Variants in BTAF1 observed in about 807,000 individuals in gnomAD.
The protein encoded by BTAF1 is B-TFIID TATA-box binding protein associated factor 1.
Under a neutral mutation model 227.1 loss-of-function variants are expected in BTAF1, and 38 were observed. That is an observed-to-expected ratio of 0.17 (90% CI 0.13 to 0.22). The LOEUF (loss-of-function observed/expected upper bound fraction) is 0.22, where lower values mean the gene tolerates loss of function less well. Ranked by LOEUF, BTAF1 falls within the 10% of genes least tolerant of loss-of-function variation. BTAF1 has a pLI of 1.00. For synonymous variants in BTAF1, 742 were observed against 751.9 expected, an observed-to-expected ratio of 0.99 and a Z score of 0.21; for missense variants, 1,598 against 2,204.0, an observed-to-expected ratio of 0.73 and a Z score of 5.51.
Position 92,028,800 on chromosome 10 carries a change from C to A in BTAF1, c.5417C>A (p.Ala1806Glu). Residue 1806 changes from alanine to glutamate, a missense_variant, in exon 38 of 38, where the codon GCA becomes GAA. Coordinates refer to ENST00000265990, the MANE Select transcript of BTAF1 (RefSeq NM_003972.3). ...CCAATTTTTCTTAAGGATGGCAAAG[C>A]AGAAAAAGCTGACACCTCTACTTCT... Reference protein sequence around the residue: ...DLFTLDKDGKAEKADTSTSGK... With the variant: ...DLFTLDKDGKEEKADTSTSGK... 1 of 1,581,728 alleles carries A rather than the reference C, an allele frequency of 6.3e-7. No homozygotes were observed. The highest frequency in any genetic ancestry group is 1.9e-5 in the Admixed American group (1 of 51,820).
At chr10:91,929,361 T>TATAATATG (rs1844111694) in intron 1 of BTAF1, among the ~76,000 whole-genome samples, 2 of 152,232 alleles carry the variant, frequency 1.3e-5, no homozygotes, top group Non-Finnish European at 2.9e-5. Flanking sequence ...AGACAGTACT[T>TATAATATG]ATAATATGAC....
intron 35 of BTAF1, 53 bp from the exon 36 acceptor site, chr10:92,026,539 T>G: frequency 7.2e-7 from 1 of 1,388,972 alleles, no homozygotes; most frequent in Non-Finnish European, 9.8e-7. Flanking sequence ...ATTAACAGTT[T>G]CTGTTATAGG....
In BTAF1 at chr10:91,928,776, C is replaced by T. The variant is rs540190641; in HGVS notation, c.14+4686C>T. ...AAGAATCCATCCCCCCCCCCCCCGC[C>T]CCCCAAAAAAAGCAACCTGAGATGG... On this transcript the variant is annotated intron_variant, in intron 1 of 37. Coordinates refer to ENST00000265990, the MANE Select transcript of BTAF1 (RefSeq NM_003972.3). Among the ~76,000 whole-genome samples, 11 of 142,474 alleles carry T rather than the reference C, an allele frequency of 7.7e-5. No homozygotes were observed. The South Asian group carries it at 2.7e-3, about 35-fold the overall frequency. The allele number at this position is 142,474 out of a possible 152,430, so 93.5% of individuals were successfully genotyped here.
intron 20 of BTAF1, among the ~76,000 whole-genome samples, chr10:91,990,733 C>T (rs1407435556): frequency 6.6e-6 from 1 of 151,890 alleles, no homozygotes; most frequent in African/African-American, 2.4e-5. Context: ...GCGGAGGTTG[C>T]GGTGAGCTGA....
rs749373223 is a variant in BTAF1, at chr10:91,996,386, A to C, written c.3327A>C (p.Pro1109=). The C allele has an allele frequency of 2.7e-5, 43 of 1,613,964 alleles. No homozygotes were observed. The highest frequency in any genetic ancestry group is 3.5e-5 in the Non-Finnish European group (41 of 1,180,016). Residue 1109 remains proline, a synonymous_variant, in exon 24 of 38, where the codon CCA becomes CCC. Transcript: ENST00000265990. ...GTTTTTAGTTGGTCCAGCATTTGCC[A>C]CATCTTTATATGTGCCTTCAATACC... ...ELHPLLVQHL[P]HLYMCLQYPS...
chr10:92,019,003 T>C, intron 34 of BTAF1, 68 bp downstream of exon 34: 1 of 1,376,064 alleles, frequency 7.3e-7, no homozygotes, highest in South Asian at 2.0e-5. Flanking sequence ...GTAAATTTGC[T>C]TTTCTTAAAG....
At chr10:91,977,650 C>T (rs1438200606) in intron 14 of BTAF1, among the ~76,000 whole-genome samples, 2 of 152,036 alleles carry the variant, frequency 1.3e-5, no homozygotes, top group East Asian at 3.9e-4. Flanking sequence ...GAGAAACTTC[C>T]AAAATAGCTG....
chr10:91,980,848 C>G (rs751776982), intron 15 of BTAF1, among the ~76,000 whole-genome samples: 15 of 152,106 alleles, frequency 9.9e-5, no homozygotes, highest in Non-Finnish European at 2.1e-4. Context: ...TTCTCTAGCC[C>G]TCATCTTGCT....
At chr10:92,001,879 A>G (rs911352319) in intron 25 of BTAF1, among the ~76,000 whole-genome samples, 6 of 149,858 alleles carry the variant, frequency 4.0e-5, no homozygotes, top group Admixed American at 1.3e-4. Context: ...TTGGGAGGCC[A>G]AGGCAGGCGG....
intron 19 of BTAF1, among the ~76,000 whole-genome samples, chr10:91,987,203 G>T (rs779443065): frequency 7.3e-5 from 11 of 150,680 alleles, no homozygotes; most frequent in Non-Finnish European, 1.3e-4. Context: ...ATGTGTTTAG[G>T]CCGGGCGCAG....
chr10:91,963,454 G>A (rs894340411), intron 12 of BTAF1, among the ~76,000 whole-genome samples: 1 of 151,784 alleles, frequency 6.6e-6, no homozygotes, highest in African/African-American at 2.4e-5. Flanking sequence ...TTGTAGTGAT[G>A]GGGGAGTCCC....
intron 14 of BTAF1, among the ~76,000 whole-genome samples, chr10:91,979,696 A>T (rs1460662551): frequency 5.3e-5 from 8 of 152,146 alleles, no homozygotes; most frequent in Admixed American, 5.2e-4. Flanking sequence ...TTTGAATAGC[A>T]ATAGACAGTT....
intron 4 of BTAF1, among the ~76,000 whole-genome samples, chr10:91,946,935 G>A (rs547681477): frequency 5.3e-5 from 8 of 151,780 alleles, no homozygotes; most frequent in African/African-American, 1.9e-4. Context: ...CACCTCCTGA[G>A]TTCAAATGAT....
intron 34 of BTAF1, among the ~76,000 whole-genome samples, chr10:92,022,007 C>T (rs1851171352): frequency 6.6e-6 from 1 of 152,134 alleles, no homozygotes; most frequent in African/African-American, 2.4e-5. Flanking sequence ...TGTCAGCTGA[C>T]CTCTCAAACA....
chr10:91,996,616 C>CA lies in BTAF1; in HGVS notation c.3511+47dup, dbSNP rs755487982. ...AACTGTTCAGGAATTATATTCATTT[C>CA]ACTTAAGGATAATTAAAATGAAATT... On this transcript the variant is annotated intron_variant, in intron 24 of 37. Transcript: ENST00000265990. 12 of 1,573,136 alleles carry CA rather than the reference C, an allele frequency of 7.6e-6. No homozygotes were observed. In the African/African-American group the frequency reaches 1.4e-4, roughly 18 times the overall value.
At chr10:91,929,766 G>A (rs1319353253) in intron 1 of BTAF1, among the ~76,000 whole-genome samples, 1 of 152,026 alleles carries the variant, frequency 6.6e-6, no homozygotes, top group African/African-American at 2.4e-5. Flanking sequence ...GTGTTGGCCA[G>A]GGTGGTCTTA....
At chr10:91,948,656 A>G (rs1845553155) in intron 4 of BTAF1, among the ~76,000 whole-genome samples, 1 of 151,472 alleles carries the variant, frequency 6.6e-6, no homozygotes, top group Non-Finnish European at 1.5e-5. Flanking sequence ...TGCTGGGATT[A>G]CAGGTGTGAG....
rs1846393087 is a variant in BTAF1, at chr10:91,960,041, G to A, written c.1150G>A (p.Glu384Lys). The A allele has an allele frequency of 7.4e-6, 12 of 1,613,080 alleles. No individual in the cohort carries two copies. The highest frequency in any genetic ancestry group is 5.5e-5 in the South Asian group (5 of 90,962). Residue 384 changes from glutamate (E) to lysine (K), a missense_variant, in exon 11 of 38, where the codon GAA (glutamate) becomes AAA (lysine). Glu to Lys is a moderately conservative substitution (Grantham distance 56). Transcript: ENST00000265990. Reference protein sequence around the residue: ...TLGVVLKHMNETGVHKTVDVL... With the variant: ...TLGVVLKHMNKTGVHKTVDVL... Reference sequence around the variant, plus strand: ...AGGTGTGGTTTTAAAACACATGAACGAAACAGGAGTTCATAAGACTGTGGA... The same window carrying A: ...AGGTGTGGTTTTAAAACACATGAACAAAACAGGAGTTCATAAGACTGTGGA...
At chr10:91,953,699 T>A in intron 5 of BTAF1, 38 bp from the exon 6 acceptor site, 1 of 1,598,546 alleles carries the variant, frequency 6.3e-7, no homozygotes, top group African/African-American at 1.4e-5. Flanking sequence ...TTATTTTAAT[T>A]TCAAAAGTTC....
Sources: allele counts gnomAD v4.1 joint callset (sites outside exome capture counted in the v4.1 genomes callset), GRCh38; gene constraint gnomAD v4.1.1; transcripts MANE v1.5; gene names NCBI Gene and HGNC (gene_info 2026-07-23, HGNC 2026-07-21).